Variants in UBE2D2 observed in about 807,000 individuals in gnomAD.
UBE2D2 encodes ubiquitin conjugating enzyme E2 D2.
In UBE2D2, 2 loss-of-function variants were observed where a neutral mutation model predicts 24.2. That is an observed-to-expected ratio of 0.08 (90% CI 0.03 to 0.26). The LOEUF (loss-of-function observed/expected upper bound fraction) is 0.26, where lower values mean the gene tolerates loss of function less well. Among genes scored for constraint, UBE2D2 ranks in the 10% least tolerant of loss-of-function variants. The pLI is 1.00. For missense variants in UBE2D2, 44 were observed against 177.6 expected, an observed-to-expected ratio of 0.25 and a Z score of 4.28; for synonymous variants, 58 against 56.5, an observed-to-expected ratio of 1.03 and a Z score of -0.12.
At chr5:139,600,963 T>C (rs546108576) in intron 2 of UBE2D2, among the ~76,000 whole-genome samples, 1 of 152,190 alleles carries the variant, frequency 6.6e-6, no homozygotes, top group South Asian at 2.1e-4. Context: ...CCACCACGCC[T>C]GATTAATTTT....
At chr5:139,562,927 C>T (rs1753142193) in intron 1 of UBE2D2, among the ~76,000 whole-genome samples, 1 of 152,100 alleles carries the variant, frequency 6.6e-6, no homozygotes, top group South Asian at 2.1e-4. Flanking sequence ...CCGGTAGCTA[C>T]TTTTTTCTTC....
chr5:139,612,341 C>G (rs978638099), intron 2 of UBE2D2: 1 of 153,194 alleles, frequency 6.5e-6, no homozygotes, highest in Non-Finnish European at 1.5e-5. Flanking sequence ...ACTTCTGTAG[C>G]TAATTGCTTC....
At chr5:139,552,495 CTTTT>C (rs1752932708) in intron 1 of UBE2D2, among the ~76,000 whole-genome samples, 1 of 140,238 alleles carries the variant, frequency 7.1e-6, no homozygotes, top group Admixed American at 7.1e-5. Flanking sequence ...TTTTTTGTTT[CTTTT>C]TTCTTTTTTC....
chr5:139,607,857 A>T (rs1218755581), intron 2 of UBE2D2, among the ~76,000 whole-genome samples: 2 of 151,962 alleles, frequency 1.3e-5, no homozygotes, highest in Non-Finnish European at 2.9e-5. Context: ...AATAAAAATT[A>T]AAAAAATGAG....
At chr5:139,558,265 G>A (rs1247660556), upstream of UBE2D2, among the ~76,000 whole-genome samples, 1 of 152,050 alleles carries the variant, frequency 6.6e-6, no homozygotes, top group Non-Finnish European at 1.5e-5. Context: ...TTTGAAACAG[G>A]AAAATTCACG....
chr5:139,569,720 G>T (rs370185320), intron 1 of UBE2D2, among the ~76,000 whole-genome samples: 17 of 152,278 alleles, frequency 1.1e-4, no homozygotes, highest in Middle Eastern at 3.4e-3. Flanking sequence ...CTGCTGTCTG[G>T]AAAGGCCGTG....
At chr5:139,585,989 C>T (rs1753719340) in intron 1 of UBE2D2, among the ~76,000 whole-genome samples, 1 of 144,782 alleles carries the variant, frequency 6.9e-6, no homozygotes, top group African/African-American at 2.6e-5. Flanking sequence ...TATATAGTAC[C>T]ATATATGATA....
chr5:139,620,483 T>C (rs1439936493), intron 5 of UBE2D2, among the ~76,000 whole-genome samples: 1 of 152,238 alleles, frequency 6.6e-6, no homozygotes, highest in Non-Finnish European at 1.5e-5. Context: ...TAGAATGTTC[T>C]ATGCTTGAAG....
intron 2 of UBE2D2, among the ~76,000 whole-genome samples, chr5:139,609,691 A>C (rs928128493): frequency 1.3e-5 from 2 of 150,940 alleles, no homozygotes; most frequent in African/African-American, 4.9e-5. Context: ...ATTTAAAAAA[A>C]AAAAAAAATT....
chr5:139,566,315 G>A (rs189716402), intron 1 of UBE2D2, among the ~76,000 whole-genome samples: 1 of 151,930 alleles, frequency 6.6e-6, no homozygotes, highest in African/African-American at 2.4e-5. Flanking sequence ...CACTGTGCCC[G>A]GCCTATGGCT....
At chr5:139,565,364 G>C (rs1753194121) in intron 1 of UBE2D2, among the ~76,000 whole-genome samples, 1 of 152,196 alleles carries the variant, frequency 6.6e-6, no homozygotes, top group African/African-American at 2.4e-5. Context: ...GCATAGCAAA[G>C]AGGGTCATTA....
intron 1 of UBE2D2, among the ~76,000 whole-genome samples, chr5:139,566,720 A>T (rs2126650907): frequency 6.6e-6 from 1 of 152,174 alleles, no homozygotes; most frequent in African/African-American, 2.4e-5. Flanking sequence ...ATGTCTATAA[A>T]AGCCAGGCAG....
At position 139,561,526 on chromosome 5, in the gene UBE2D2, AGGCAGCTACGGCGGCGGCGGCGGT is replaced by A; in HGVS notation, c.-262_-239del. 3 of 415,252 alleles carry A rather than the reference AGGCAGCTACGGCGGCGGCGGCGGT, an allele frequency of 7.2e-6. No homozygotes were observed. The highest frequency in any genetic ancestry group is 8.5e-6 in the Non-Finnish European group (2 of 235,246). The allele number at this position is 415,252 out of a possible 1,614,324, so 25.7% of individuals were successfully genotyped here. On this transcript the variant is annotated 5_prime_UTR_variant, in exon 1 of 7. Transcript: ENST00000398733. ...AGGCGGCGCTGATCCTGGGAGGAAG[AGGCAGCTACGGCGGCGGCGGCGGT>A]GGCGGCTAGGGCGGCGGCGAATAAA...
intron 5 of UBE2D2, among the ~76,000 whole-genome samples, chr5:139,622,469 T>C (rs1754529556): frequency 6.6e-6 from 1 of 151,018 alleles, no homozygotes; most frequent in Non-Finnish European, 1.5e-5. Flanking sequence ...GGTCTCAATC[T>C]CTTGATCTCG....
Position 139,627,119 on chromosome 5 carries a change from G to C in UBE2D2, c.*318G>C. ...TGGATAACAGCAAGGTGTGAGGGGG[G>C]TGGTGGGTATGGTGTGTGCTTGGAT... On this transcript the variant is annotated 3_prime_UTR_variant, in exon 7 of 7. Transcript: ENST00000398733. The C allele has an allele frequency of 3.5e-6, 1 of 282,228 alleles. No individual in the cohort carries two copies. Among genetic ancestry groups the C allele is most frequent in the Non-Finnish European group, 6.7e-6 (1 of 148,518 alleles). 17.5% of individuals were successfully genotyped at this position (282,228 alleles called of 1,614,324 possible).
chr5:139,616,650 C>A (rs969795827), intron 5 of UBE2D2, among the ~76,000 whole-genome samples: 2 of 152,130 alleles, frequency 1.3e-5, no homozygotes, highest in Non-Finnish European at 2.9e-5. Flanking sequence ...TCATATTCTT[C>A]AAGTAGAGGT....
intron 1 of UBE2D2, among the ~76,000 whole-genome samples, chr5:139,549,660 C>A (rs1475129713): frequency 6.6e-6 from 1 of 152,226 alleles, no homozygotes; most frequent in Non-Finnish European, 1.5e-5. Flanking sequence ...CTGGAGACTC[C>A]CCGACGGGGC....
intron 1 of UBE2D2, among the ~76,000 whole-genome samples, chr5:139,539,515 A>G (rs1030645379): frequency 6.6e-6 from 1 of 152,172 alleles, no homozygotes; most frequent in East Asian, 1.9e-4. Flanking sequence ...TATCTTGATT[A>G]TGGTGATGGT....
chr5:139,597,398 G>C (rs1471764670), intron 1 of UBE2D2, among the ~76,000 whole-genome samples: 2 of 152,214 alleles, frequency 1.3e-5, no homozygotes, highest in Non-Finnish European at 2.9e-5. Flanking sequence ...AGCCAAGGAA[G>C]TGTTGAATGA....
Sources: allele counts gnomAD v4.1 joint callset (sites outside exome capture counted in the v4.1 genomes callset), GRCh38; gene constraint gnomAD v4.1.1; transcripts MANE v1.5; gene names NCBI Gene and HGNC (gene_info 2026-07-23, HGNC 2026-07-21).